ALPK2: variants seen among roughly 807,000 people sequenced by gnomAD.
The protein encoded by ALPK2 is alpha kinase 2.
In ALPK2, 127 loss-of-function variants were observed where a neutral mutation model predicts 163.1. That is an observed-to-expected ratio of 0.78 (90% CI 0.67 to 0.90). The LOEUF (loss-of-function observed/expected upper bound fraction) is 0.90. Among genes scored for constraint, ALPK2 ranks in the 40% least tolerant of loss-of-function variants. ALPK2 has a pLI of 0.00. For synonymous variants in ALPK2, 953 were observed against 959.1 expected (o/e 0.99, Z 0.12); for missense variants, 2,360 against 2,589.6 (o/e 0.91, Z 1.92).
chr18:58,567,441 GT>G (rs1210203925), intron 4 of ALPK2, among the ~76,000 whole-genome samples: 4 of 152,048 alleles, frequency 2.6e-5, no homozygotes, highest in Non-Finnish European at 5.9e-5. Flanking sequence ...GACCTATGTT[GT>G]TTTTTTAAAC....
chr18:58,546,509 A>G (rs1023281905), intron 4 of ALPK2, among the ~76,000 whole-genome samples: 3 of 152,234 alleles, frequency 2.0e-5, no homozygotes, highest in Non-Finnish European at 4.4e-5. Context: ...CGCTACTATT[A>G]GTAGTAATAA....
At chr18:58,505,789 C>T (rs1007356847) in intron 10 of ALPK2, among the ~76,000 whole-genome samples, 5 of 152,174 alleles carry the variant, frequency 3.3e-5, no homozygotes, top group African/African-American at 7.2e-5. Context: ...AAGGGCAGCA[C>T]GACCATCATG....
chr18:58,581,934 A>G (rs970429869), intron 3 of ALPK2, among the ~76,000 whole-genome samples: 12 of 152,030 alleles, frequency 7.9e-5, no homozygotes, highest in African/African-American at 7.2e-5. Context: ...CACTGAAGGG[A>G]CCCCTTGCCT....
chr18:58,552,486 T>C (rs2051765075), intron 4 of ALPK2, among the ~76,000 whole-genome samples: 1 of 152,114 alleles, frequency 6.6e-6, no homozygotes, highest in African/African-American at 2.4e-5. Context: ...ACAGTAGAAA[T>C]AATCTACTTG....
At chr18:58,597,357 A>G (rs1444262532) in intron 3 of ALPK2, among the ~76,000 whole-genome samples, 1 of 152,234 alleles carries the variant, frequency 6.6e-6, no homozygotes, top group Non-Finnish European at 1.5e-5. Flanking sequence ...GGCAGAAAGA[A>G]TGAGCATTTA....
At chr18:58,593,377 A>T (rs1203811822) in intron 3 of ALPK2, among the ~76,000 whole-genome samples, 1 of 151,678 alleles carries the variant, frequency 6.6e-6, no homozygotes, top group Non-Finnish European at 1.5e-5. Context: ...CAGCCTGGCC[A>T]ACATGGTGAA....
At chr18:58,580,645 A>C in intron 3 of ALPK2, 97 bp from the exon 4 acceptor site, 1 of 1,140,040 alleles carries the variant, frequency 8.8e-7, no homozygotes, top group Non-Finnish European at 1.3e-6. Flanking sequence ...CCATCATTTT[A>C]CTGCATGTTC....
At chr18:58,583,476 T>C (rs1455644249) in intron 3 of ALPK2, among the ~76,000 whole-genome samples, 1 of 152,098 alleles carries the variant, frequency 6.6e-6, no homozygotes, top group Non-Finnish European at 1.5e-5. Flanking sequence ...ACCTTTTCAA[T>C]TAATTCTTGG....
rs1306572529 is a variant in ALPK2 at position 58,573,304 on chromosome 18, GTA to G, written c.1962+5508_1962+5509del. 3.7e-4 allele frequency among the ~76,000 whole-genome samples: 21 copies of G among 56,946 alleles called. No individual in the cohort carries two copies. In the South Asian group the frequency reaches 7.2e-3, roughly 19 times the overall value. The allele number at this position is 56,946 out of a possible 152,430, so 37.4% of individuals were successfully genotyped here. ...TATGTGTATATATGTATATATGTGT[GTA>G]TATATATGTGTGTATATATGTATAT... is the stretch of plus-strand genomic sequence containing the variant. On this transcript the variant is annotated intron_variant, in intron 4 of 12. Coordinates refer to ENST00000361673, the MANE Select transcript of ALPK2 (RefSeq NM_052947.4).
At chr18:58,482,750 T>G (rs28464417) in intron 12 of ALPK2, among the ~76,000 whole-genome samples, 10,382 of 152,174 alleles carry the variant, frequency 0.068, 1,117 homozygotes, top group African/African-American at 0.23. Flanking sequence ...TTGGGACATT[T>G]AAATACTGAA....
chr18:58,546,343 G>A (rs1234041327), intron 4 of ALPK2, among the ~76,000 whole-genome samples: 1 of 152,146 alleles, frequency 6.6e-6, no homozygotes, highest in African/African-American at 2.4e-5. Context: ...TGCTGGGAGA[G>A]GCCTGGGTTT....
intron 6 of ALPK2, 126 bp downstream of exon 6, chr18:58,528,965 G>T: frequency 1.8e-6 from 2 of 1,123,154 alleles, no homozygotes; most frequent in Non-Finnish European, 2.6e-6. Context: ...TAATATTGTG[G>T]ATGTGGAATC....
intron 3 of ALPK2, among the ~76,000 whole-genome samples, chr18:58,583,385 G>T (rs1260930688): frequency 1.3e-5 from 2 of 152,102 alleles, no homozygotes; most frequent in Non-Finnish European, 2.9e-5. Flanking sequence ...GTTTCTTAGG[G>T]ATCCCCTTGG....
At chr18:58,569,289 G>A (rs1376253142) in intron 4 of ALPK2, among the ~76,000 whole-genome samples, 1 of 152,218 alleles carries the variant, frequency 6.6e-6, no homozygotes, top group Non-Finnish European at 1.5e-5. Context: ...GGAGCTTTTA[G>A]AGCTTCCAAC....
At position 58,611,671 on chromosome 18, in the gene ALPK2, T is replaced by C. The variant is rs1444348890; in HGVS notation, c.109+18A>G. On this transcript the variant is annotated intron_variant, in intron 2 of 12. Transcript: ENST00000361673. ...AGGGAGATTTTAGAGGGTGATTAGC[T>C]AGTCTAGTGATGGTTACCAGATATT... 7 of 1,599,982 alleles carry C rather than the reference T, an allele frequency of 4.4e-6. No individual in the cohort carries two copies. Among genetic ancestry groups the C allele is most frequent in the Non-Finnish European group, 6.0e-6 (7 of 1,169,440 alleles).
At chr18:58,517,684 C>T (rs926169481) in intron 8 of ALPK2, among the ~76,000 whole-genome samples, 1 of 151,904 alleles carries the variant, frequency 6.6e-6, no homozygotes, top group Non-Finnish European at 1.5e-5. Flanking sequence ...GTTTATGTAC[C>T]ATATGTATAT....
chr18:58,591,718 A>G (rs2052015718), intron 3 of ALPK2, among the ~76,000 whole-genome samples: 1 of 152,238 alleles, frequency 6.6e-6, no homozygotes, highest in African/African-American at 2.4e-5. Context: ...AGGCCCTCCC[A>G]GGAAACAATA....
chr18:58,537,860 A>G lies in ALPK2; in HGVS notation c.2327T>C (p.Val776Ala). 1 of 1,614,160 alleles carries G rather than the reference A, an allele frequency of 6.2e-7. No individual in the cohort carries two copies. The highest frequency in any genetic ancestry group is 8.5e-7 in the Non-Finnish European group (1 of 1,180,028). The change falls in exon 5 of 13, where the codon GTT becomes GCT. Residue 776 changes from valine to alanine, a missense_variant. Coordinates refer to ENST00000361673, the MANE Select transcript of ALPK2 (RefSeq NM_052947.4). ...ADFREPVAVS[V>A]ASPEPTDTAL... Reference sequence around the variant, plus strand: ...AGTATCTGTGGGTTCAGGGGAAGCAACAGAGACAGCCACAGGCTCCCTGAA... The same window carrying G: ...AGTATCTGTGGGTTCAGGGGAAGCAGCAGAGACAGCCACAGGCTCCCTGAA...
At position 58,537,385 on chromosome 18, in the gene ALPK2, G is replaced by A; in HGVS notation, c.2802C>T (p.Pro934=). The A allele has an allele frequency of 6.2e-7, 1 of 1,613,886 alleles. No homozygotes were observed. The highest frequency in any genetic ancestry group is 1.1e-5 in the South Asian group (1 of 91,060). Residue 934 remains proline, a synonymous_variant, in exon 5 of 13, where the codon CCC becomes CCT. Transcript: ENST00000361673. ...TVHAGQEQPS[P]SNSGGLDETQ... is the part of the protein sequence containing the mutation. The stretch of plus-strand genomic sequence containing the variant: ...TTTCATCAAGCCCTCCTGAGTTGCT[G>A]GGGCTTGGCTGCTCCTGGCCAGCAT...
Sources: gnomAD v4.1 joint callset for allele counts (sites outside exome capture counted in the v4.1 genomes callset) on GRCh38, gnomAD v4.1.1 for gene constraint, MANE v1.5 for transcripts, NCBI Gene and HGNC (gene_info 2026-07-23, HGNC 2026-07-21) for gene names.